The following NUDT21 variants were observed in gnomAD, a reference collection of about 807,000 sequenced individuals.
NUDT21 encodes cleavage and polyadenylation specificity factor subunit 5.
NUDT21 carries 5 observed loss-of-function variants against 29.8 expected under a neutral mutation model. The ratio of observed to expected loss-of-function variants is 0.17; its 90% CI spans 0.09 to 0.35. The LOEUF is 0.35. Ranked by LOEUF, NUDT21 falls within the 10% of genes least tolerant of loss-of-function variation. NUDT21 has a pLI of 1.00. For synonymous variants in NUDT21, 113 were observed against 98.5 expected (o/e 1.15, Z -0.87); for missense variants, 76 against 276.0 (o/e 0.28, Z 5.13).
intron 1 of NUDT21, among the ~76,000 whole-genome samples, chr16:56,449,557 C>T (rs1252943877): frequency 6.6e-6 from 1 of 152,038 alleles, no homozygotes; most frequent in Non-Finnish European, 1.5e-5. Context: ...TACTGTAAAT[C>T]AACCCATAAT....
chr16:56,434,949 C>G, intron 4 of NUDT21, 120 bp from the exon 5 acceptor site: 1 of 622,306 alleles, frequency 1.6e-6, no homozygotes, highest in Non-Finnish European at 2.8e-6. Flanking sequence ...TCCTCTTTAC[C>G]AGGACTTATC....
intron 4 of NUDT21, among the ~76,000 whole-genome samples, chr16:56,437,326 T>A: frequency 6.6e-6 from 1 of 152,214 alleles, no homozygotes. Context: ...GATCCAACTT[T>A]AAGAAGTTCC....
At chr16:56,434,291 G>A in intron 6 of NUDT21, 40 bp downstream of exon 6, 2 of 1,307,152 alleles carry the variant, frequency 1.5e-6, no homozygotes, top group Non-Finnish European at 2.2e-6. Flanking sequence ...AAATTTGACA[G>A]TTAATATGGA....
At chr16:56,445,116 G>A (rs960732189) in intron 3 of NUDT21, among the ~76,000 whole-genome samples, 19 of 152,088 alleles carry the variant, frequency 1.2e-4, no homozygotes, top group East Asian at 5.8e-4. Context: ...CCCGGGAGGC[G>A]GAGGTGACAG....
intron 4 of NUDT21, among the ~76,000 whole-genome samples, chr16:56,437,761 A>G (rs1362326143): frequency 6.6e-6 from 1 of 152,072 alleles, no homozygotes; most frequent in African/African-American, 2.4e-5. Context: ...TGCTTCCTGG[A>G]ATCACCTCTC....
In NUDT21 at chr16:56,451,031, A is replaced by G. The variant is rs1017269475; in HGVS notation, c.116+56T>C. 16 of 1,437,140 alleles carry G rather than the reference A, an allele frequency of 1.1e-5. No individual in the cohort carries two copies. The Admixed American group carries it at 2.5e-4, about 22-fold the overall frequency. The allele number at this position is 1,437,140 out of a possible 1,614,324, so 89.0% of individuals were successfully genotyped here. ...CGCCGAAAAGCCGGGGGCGCGTCGG[A>G]GAGTCTATAGGAGCTTTCACGAGAG... On this transcript the variant is annotated intron_variant, in intron 1 of 6. Coordinates refer to ENST00000300291, the MANE Select transcript of NUDT21 (RefSeq NM_007006.3).
chr16:56,432,748 G>C lies in NUDT21; in HGVS notation c.663-15C>G. 6.3e-7 allele frequency: 1 copy of C among 1,583,936 alleles called. No individual in the cohort carries two copies. The highest frequency in any genetic ancestry group is 8.7e-7 in the Non-Finnish European group (1 of 1,154,496). On this transcript the variant is annotated splice_polypyrimidine_tract_variant and intron_variant, in intron 6 of 6. Coordinates refer to ENST00000300291, the MANE Select transcript of NUDT21 (RefSeq NM_007006.3). ...TAAAATTGAACCTGAATTTTAAAAA[G>C]AACAATACCTTTATTAAAGACAGTA...
chr16:56,439,248 T>C lies in NUDT21; in HGVS notation c.471+409A>G, dbSNP rs994897639. ...GTGCAATGGCACAATCTCGGTTCAC[T>C]GCAACTTCTGCCTCCCAGGTTCAAG... On this transcript the variant is annotated intron_variant, in intron 4 of 6. Coordinates refer to ENST00000300291, the MANE Select transcript of NUDT21 (RefSeq NM_007006.3). The C allele has an allele frequency of 3.1e-5, 5 of 162,130 alleles. No individual in the cohort carries two copies. The South Asian group carries it at 8.2e-4, about 27-fold the overall frequency. 10.0% of individuals were successfully genotyped at this position (162,130 alleles called of 1,614,324 possible).
At chr16:56,437,905 C>A (rs1390098050) in intron 4 of NUDT21, among the ~76,000 whole-genome samples, 1 of 151,770 alleles carries the variant, frequency 6.6e-6, no homozygotes, top group African/African-American at 2.4e-5. Context: ...TTTTTTTCTA[C>A]ACAAACCACA....
At chr16:56,441,782 T>C (rs1962162319) in intron 3 of NUDT21, among the ~76,000 whole-genome samples, 1 of 152,260 alleles carries the variant, frequency 6.6e-6, no homozygotes, top group African/African-American at 2.4e-5. Context: ...TTAATAACTT[T>C]CATTTCCTTT....
At chr16:56,434,238 A>C (rs533071719) in intron 6 of NUDT21, 93 bp downstream of exon 6, 5 of 798,738 alleles carry the variant, frequency 6.3e-6, no homozygotes, top group Admixed American at 2.3e-5. Flanking sequence ...CTTAAAGACC[A>C]AAATTCATGA....
chr16:56,433,708 G>A (rs1235632579), intron 6 of NUDT21, among the ~76,000 whole-genome samples: 1 of 151,484 alleles, frequency 6.6e-6, no homozygotes, highest in Non-Finnish European at 1.5e-5. Context: ...CTTTTTTTTA[G>A]ATGGAGTCTC....
At chr16:56,434,125 T>C (rs1389285405) in intron 6 of NUDT21, among the ~76,000 whole-genome samples, 1 of 152,228 alleles carries the variant, frequency 6.6e-6, no homozygotes, top group Non-Finnish European at 1.5e-5. Flanking sequence ...GTTGCACAAA[T>C]ACCAGAATGT....
chr16:56,435,586 C>T (rs868267753), intron 4 of NUDT21, among the ~76,000 whole-genome samples: 4 of 147,194 alleles, frequency 2.7e-5, no homozygotes, highest in African/African-American at 9.9e-5. Context: ...ATTAGCCAGG[C>T]GTGGTGGCGG....
chr16:56,433,338 T>C (rs1962057824), intron 6 of NUDT21, among the ~76,000 whole-genome samples: 1 of 152,228 alleles, frequency 6.6e-6, no homozygotes, highest in Non-Finnish European at 1.5e-5. Context: ...GAGACTACTA[T>C]CCCCATTTAC....
chr16:56,439,702 G>C lies in NUDT21; in HGVS notation c.426C>G (p.Asp142Glu), dbSNP rs1164407605. The change falls in exon 4 of 7, where the codon GAC becomes GAG. Residue 142 changes from aspartate to glutamate, a missense_variant. This residue lies in a region of NUDT21 where 27 missense variants were observed against 149.5 expected (regional missense o/e 0.18). Coordinates refer to ENST00000300291, the MANE Select transcript of NUDT21 (RefSeq NM_007006.3). Reference sequence around the variant, plus strand: ...GTCTCCACCAGTTACCAATGCAATCGTCAATGACCCAGTCTTGCAAAACTC... The same window carrying C: ...GTCTCCACCAGTTACCAATGCAATCCTCAATGACCCAGTCTTGCAAAACTC... ...QDGVLQDWVI[D>E]DCIGNWWRPN... 1 of 1,613,990 alleles carries C rather than the reference G, an allele frequency of 6.2e-7. No homozygotes were observed. Among genetic ancestry groups the C allele is most frequent in the Non-Finnish European group, 8.5e-7 (1 of 1,179,952 alleles).
intron 3 of NUDT21, among the ~76,000 whole-genome samples, chr16:56,445,196 AAAGGAAATGCTCATTGG>A (rs1343102904): frequency 6.6e-6 from 1 of 152,238 alleles, no homozygotes; most frequent in Non-Finnish European, 1.5e-5. Flanking sequence ...AGAAAAAAAA[AAAGGAAATGCTCATTGG>A]AGCATTTCAA....
chr16:56,448,695 A>G (rs1389143211), intron 1 of NUDT21, among the ~76,000 whole-genome samples: 1 of 152,208 alleles, frequency 6.6e-6, no homozygotes, highest in Non-Finnish European at 1.5e-5. Context: ...ACTGTTAAAG[A>G]CAGTTTTCAT....
At chr16:56,434,562 T>C (rs564169809) in intron 5 of NUDT21, 117 bp from the exon 6 acceptor site, 5 of 790,384 alleles carry the variant, frequency 6.3e-6, no homozygotes, top group African/African-American at 1.8e-5. Context: ...TAATTCTCAT[T>C]AATACATTTT....
Sources: allele counts gnomAD v4.1 joint callset (sites outside exome capture counted in the v4.1 genomes callset), GRCh38; gene constraint gnomAD v4.1.1; regional missense constraint gnomAD v4.1.1; transcripts MANE v1.5; gene names NCBI Gene and HGNC (gene_info 2026-07-23, HGNC 2026-07-21).